Variants in ZSCAN25 observed in about 807,000 individuals in gnomAD.
ZSCAN25 encodes the protein zinc finger and SCAN domain containing 25.
ZSCAN25 carries 27 observed loss-of-function variants against 38.7 expected under a neutral mutation model. The ratio of observed to expected loss-of-function variants is 0.70; its 90% CI spans 0.51 to 0.96. The LOEUF is 0.96. ZSCAN25 is among the 40% of genes least tolerant of loss of function. ZSCAN25 has a pLI of 0.00. For missense variants in ZSCAN25, 637 were observed against 705.9 expected (o/e 0.90, Z 1.11); for synonymous variants, 273 against 277.7 (o/e 0.98, Z 0.17).
At chr7:99,709,320 G>T in the ZSCAN25 span, 1 of 1,574,358 alleles carries the variant, frequency 6.4e-7, no homozygotes, top group Non-Finnish European at 8.6e-7. Context: ...TTTTAACTCA[G>T]TCCATGTAGT....
chr7:99,658,304 T>G, the ZSCAN25 span, among the ~76,000 whole-genome samples: 1 of 152,176 alleles, frequency 6.6e-6, no homozygotes, highest in Non-Finnish European at 1.5e-5. Context: ...CAGCATTTGC[T>G]TGTCTGTAAA....
chr7:99,631,600 C>T lies in ZSCAN25; in HGVS notation c.*1580C>T, dbSNP rs891182700. 1.0e-6 allele frequency: 1 copy of T among 985,202 alleles called. No homozygotes were observed. The highest frequency in any genetic ancestry group is 1.7e-5 in the African/African-American group (1 of 57,178). The allele number at this position is 985,202 out of a possible 1,614,324, so 61.0% of individuals were successfully genotyped here. On this transcript the variant is annotated 3_prime_UTR_variant, in exon 8 of 8. Transcript: ENST00000394152. ...GTTTGTCTTCTGATGCCTCTTAATACCAGATTCTTTTACTGAGATTTTTTT... is the reference window on the plus strand; with the variant it reads ...GTTTGTCTTCTGATGCCTCTTAATATCAGATTCTTTTACTGAGATTTTTTT...
chr7:99,660,754 G>A, the ZSCAN25 span: 3 of 1,432,300 alleles, frequency 2.1e-6, no homozygotes, highest in African/African-American at 1.4e-5. Flanking sequence ...ATCCCAAGAA[G>A]AAAAAATGGA....
downstream of ZSCAN25, among the ~76,000 whole-genome samples, chr7:99,634,298 A>T (rs1408915168): frequency 6.6e-6 from 1 of 152,232 alleles, no homozygotes; most frequent in Non-Finnish European, 1.5e-5. Context: ...TATGCTTAAA[A>T]TACTTTCAGT....
the ZSCAN25 span, chr7:99,708,886 G>A: frequency 2.1e-6 from 2 of 943,672 alleles, no homozygotes; most frequent in Non-Finnish European, 3.2e-6. Context: ...TGTAAAGTGT[G>A]ACAATGATCA....
In ZSCAN25 at chr7:99,619,873, G is replaced by A; in HGVS notation, c.267G>A (p.Gln89=). 2 of 1,614,230 alleles carry A rather than the reference G, an allele frequency of 1.2e-6. No homozygotes were observed. Among genetic ancestry groups the A allele is most frequent in the South Asian group, 2.2e-5 (2 of 91,086 alleles). The change falls in exon 4 of 8, where the codon CAG becomes CAA. Residue 89 remains glutamine (Q), a synonymous_variant. Transcript: ENST00000394152. ...EQILELLVLE[Q]FLTILPREFY... ...TCCTGGAGCTGCTGGTGCTGGAGCA[G>A]TTCCTCACTATCCTGCCCCGCGAGT...
chr7:99,688,689 A>T, the ZSCAN25 span, among the ~76,000 whole-genome samples: 1 of 152,166 alleles, frequency 6.6e-6, no homozygotes, highest in Non-Finnish European at 1.5e-5. Flanking sequence ...CCATCTACAG[A>T]ACTCTCCACC....
At chr7:99,721,822 G>C in the ZSCAN25 span, among the ~76,000 whole-genome samples, 1 of 152,182 alleles carries the variant, frequency 6.6e-6, no homozygotes, top group Admixed American at 6.5e-5. Flanking sequence ...AGAAGGCTAT[G>C]ATGAGTGGAT....
the ZSCAN25 span, among the ~76,000 whole-genome samples, chr7:99,678,450 T>C: frequency 6.6e-6 from 1 of 152,238 alleles, no homozygotes; most frequent in Non-Finnish European, 1.5e-5. Flanking sequence ...TAAGCAGGTA[T>C]ATTCGAAAAG....
the ZSCAN25 span, chr7:99,674,230 T>C: frequency 0.013 from 3,178 of 243,408 alleles, 110 homozygotes; most frequent in African/African-American, 0.065. Context: ...ACCCTTGTTA[T>C]TGATCTTTGT....
In ZSCAN25 at chr7:99,630,517, C is replaced by T; in HGVS notation, c.*497C>T. Reference sequence around the variant, plus strand: ...GTGAATGAGAGACTAGACGTGATGCCTCTGGGGGTTGTGCGTTGGGGATGC... The same window carrying T: ...GTGAATGAGAGACTAGACGTGATGCTTCTGGGGGTTGTGCGTTGGGGATGC... On this transcript the variant is annotated 3_prime_UTR_variant, in exon 8 of 8. Coordinates refer to ENST00000394152, the MANE Select transcript of ZSCAN25 (RefSeq NM_145115.3). 5 of 991,990 alleles carry T rather than the reference C, an allele frequency of 5.0e-6. No homozygotes were observed. Among genetic ancestry groups the T allele is most frequent in the Non-Finnish European group, 6.0e-6 (5 of 834,106 alleles). 61.4% of individuals were successfully genotyped at this position (991,990 alleles called of 1,614,324 possible).
chr7:99,667,182 T>C, the ZSCAN25 span: 1 of 1,036,476 alleles, frequency 9.6e-7, no homozygotes, highest in South Asian at 1.8e-5. Flanking sequence ...TATATGATAT[T>C]ATGGCAAGCC....
the ZSCAN25 span, among the ~76,000 whole-genome samples, chr7:99,726,285 A>G: frequency 1.3e-5 from 2 of 152,150 alleles, no homozygotes; most frequent in East Asian, 1.9e-4. Context: ...CTTTAAGGAG[A>G]TTGAAGCCTG....
the ZSCAN25 span, chr7:99,710,950 T>G: frequency 1.9e-6 from 3 of 1,611,982 alleles, no homozygotes; most frequent in Non-Finnish European, 2.5e-6. Context: ...CATCACAGTT[T>G]AGATGAAAAG....
At position 99,630,947 on chromosome 7, in the gene ZSCAN25, T is replaced by C. The variant is rs1394013810; in HGVS notation, c.*927T>C. ...CCTATATTTGATGGCACTTTATAGT[T>C]CATAAAATTAATTTCACCCCATTCT... On this transcript the variant is annotated 3_prime_UTR_variant, in exon 8 of 8. Transcript: ENST00000394152. 1 of 957,754 alleles carries C rather than the reference T, an allele frequency of 1.0e-6. No homozygotes were observed. Among genetic ancestry groups the C allele is most frequent in the Non-Finnish European group, 1.2e-6 (1 of 804,836 alleles). 59.3% of individuals were successfully genotyped at this position (957,754 alleles called of 1,614,324 possible). A position where few individuals can be genotyped will look rare whatever the true frequency, so the allele number is the denominator to read the frequency against.
chr7:99,717,919 G>A, the ZSCAN25 span, among the ~76,000 whole-genome samples: 10 of 152,140 alleles, frequency 6.6e-5, no homozygotes, highest in East Asian at 3.8e-4. Context: ...CACCTAGCAC[G>A]CGTGCAGTGT....
chr7:99,636,901 C>G (rs963591719), downstream of ZSCAN25, among the ~76,000 whole-genome samples: 2 of 152,220 alleles, frequency 1.3e-5, no homozygotes, highest in African/African-American at 2.4e-5. Context: ...TCCTCATCCT[C>G]CATCCACTTT....
the ZSCAN25 span, among the ~76,000 whole-genome samples, chr7:99,732,884 C>A: frequency 4.6e-5 from 7 of 151,640 alleles, no homozygotes; most frequent in South Asian, 8.3e-4. Context: ...ACATAAGTAA[C>A]CATAAAATGT....
the ZSCAN25 span, chr7:99,670,815 C>T: frequency 3.3e-5 from 5 of 152,296 alleles, no homozygotes; most frequent in East Asian, 7.7e-4. Context: ...CTTGAGAACT[C>T]ACTGAGAATT....
Sources: gnomAD v4.1 joint callset for allele counts (sites outside exome capture counted in the v4.1 genomes callset) on GRCh38, gnomAD v4.1.1 for gene constraint, MANE v1.5 for transcripts, NCBI Gene and HGNC (gene_info 2026-07-23, HGNC 2026-07-21) for gene names.